Variants in CD37 observed in about 807,000 individuals in gnomAD.
The protein encoded by CD37 is leukocyte antigen CD37.
In CD37, 37 loss-of-function variants were observed where a neutral mutation model predicts 38.9. The observed-to-expected ratio is 0.95, with a 90% confidence interval of 0.73 to 1.25. The LOEUF is 1.25. CD37 is among the 50% of genes most tolerant of loss of function. The pLI is 0.00. For synonymous variants in CD37, 146 were observed against 150.1 expected, an observed-to-expected ratio of 0.97 and a Z score of 0.20; for missense variants, 351 against 360.1, an observed-to-expected ratio of 0.97 and a Z score of 0.20.
At position 49,338,824 on chromosome 19, in the gene CD37, C is replaced by T. The variant is rs1196968350; in HGVS notation, c.572C>T (p.Thr191Ile). Reference protein sequence around the residue: ...CYNLSATNDSTILDKVILPQL... With the variant: ...CYNLSATNDSIILDKVILPQL... Reference sequence around the variant, plus strand: ...AACTTGTCGGCGACCAACGACTCCACAATCCTAGATAAGGTGATCTTGCCC... The same window carrying T: ...AACTTGTCGGCGACCAACGACTCCATAATCCTAGATAAGGTGATCTTGCCC... Residue 191 changes from threonine (T) to isoleucine (I), a missense_variant, in exon 6 of 8, where the codon ACA (threonine) becomes ATA (isoleucine). Coordinates refer to ENST00000323906, the MANE Select transcript of CD37 (RefSeq NM_001774.3). The surrounding 1 kb of genome is among the most constrained non-coding windows in gnomAD (Gnocchi z 5.0). The T allele has an allele frequency of 6.2e-7, 1 of 1,613,990 alleles. No homozygotes were observed. Among genetic ancestry groups the T allele is most frequent in the Non-Finnish European group, 8.5e-7 (1 of 1,180,036 alleles).
chr19:49,338,625 CCATCA>C lies in CD37; in HGVS notation c.448-73_448-69del. On this transcript the variant is annotated intron_variant, in intron 5 of 7. Transcript: ENST00000323906. The surrounding 1 kb of genome is among the most constrained non-coding windows in gnomAD (Gnocchi z 5.0). ...CCTGCTCCCCGACCTGACCTCATAC[CCATCA>C]CCTTGTCCCCTGATCCCCAACATCA... 3 of 1,090,058 alleles carry C rather than the reference CCATCA, an allele frequency of 2.8e-6. No individual in the cohort carries two copies. Among genetic ancestry groups the C allele is most frequent in the Non-Finnish European group, 4.2e-6 (3 of 721,012 alleles). The allele number at this position is 1,090,058 out of a possible 1,614,324, so 67.5% of individuals were successfully genotyped here. A position where few individuals can be genotyped will look rare whatever the true frequency, so the allele number is the denominator to read the frequency against.
Position 49,338,982 on chromosome 19 carries a change from T to C in CD37, c.684+46T>C. On this transcript the variant is annotated intron_variant, in intron 6 of 7. Coordinates refer to ENST00000323906, the MANE Select transcript of CD37 (RefSeq NM_001774.3). The surrounding 1 kb of genome is among the most constrained non-coding windows in gnomAD (Gnocchi z 5.0). Reference sequence around the variant, plus strand: ...TAAACCTGTCGAATGGGGCGGGGCCTGCGGGAGGGGGAGGGCTGTCAGTGA... The same window carrying C: ...TAAACCTGTCGAATGGGGCGGGGCCCGCGGGAGGGGGAGGGCTGTCAGTGA... The C allele has an allele frequency of 1.4e-6, 2 of 1,402,030 alleles. No homozygotes were observed. 86.8% of individuals were successfully genotyped at this position (1,402,030 alleles called of 1,614,324 possible).
At position 49,335,422 on chromosome 19, in the gene CD37, CCTTTCTCTCTCAGCTCTCCGTCTCT is replaced by C; in HGVS notation, c.-104_-80del. 2.5e-6 allele frequency: 2 copies of C among 785,838 alleles called. No homozygotes were observed. Among genetic ancestry groups the C allele is most frequent in the South Asian group, 3.2e-5 (2 of 62,784 alleles). 48.7% of individuals were successfully genotyped at this position (785,838 alleles called of 1,614,324 possible). A position where few individuals can be genotyped will look rare whatever the true frequency, so the allele number is the denominator to read the frequency against. On this transcript the variant is annotated 5_prime_UTR_variant, in exon 1 of 8. Transcript: ENST00000323906. This position sits in a 1 kb window ranked among gnomAD's most constrained non-coding sequence, Gnocchi z 4.6. ...TGGAACTTCCTCTTTTGGGGTTCTT[CCTTTCTCTCTCAGCTCTCCGTCTCT>C]CTTTCTCTCTCAGCCTCTTTCTTTC...
rs1404328236 is a variant in CD37 at position 49,339,813 on chromosome 19, C to T, written c.768+400C>T. 3.0e-6 allele frequency: 4 copies of T among 1,349,274 alleles called. No individual in the cohort carries two copies. The highest frequency in any genetic ancestry group is 1.5e-5 in the African/African-American group (1 of 67,974). 83.6% of individuals were successfully genotyped at this position (1,349,274 alleles called of 1,614,324 possible). A position where few individuals can be genotyped will look rare whatever the true frequency, so the allele number is the denominator to read the frequency against. On this transcript the variant is annotated intron_variant, in intron 7 of 7. Transcript: ENST00000323906. The surrounding 1 kb of genome is among the most constrained non-coding windows in gnomAD (Gnocchi z 4.5). ...GCGGCAGTCTGTGGGGTGGCTGGGG[C>T]ATGGCGGGTGCCTGCCCCAACTGGG...
rs1229086826 is a variant in CD37, at chr19:49,339,983, G to T, written c.769-268G>T. The T allele has an allele frequency of 1.4e-6, 2 of 1,432,940 alleles. No homozygotes were observed. The highest frequency in any genetic ancestry group is 2.9e-5 in the African/African-American group (2 of 69,814). 88.8% of individuals were successfully genotyped at this position (1,432,940 alleles called of 1,614,324 possible). Reference sequence around the variant, plus strand: ...GAGGCTGAGGCAGAGGGGGAAGACAGATGAGCCTCCAAAATAAAGGACCCT... The same window carrying T: ...GAGGCTGAGGCAGAGGGGGAAGACATATGAGCCTCCAAAATAAAGGACCCT... On this transcript the variant is annotated intron_variant, in intron 7 of 7. Coordinates refer to ENST00000323906, the MANE Select transcript of CD37 (RefSeq NM_001774.3). The surrounding 1 kb of genome is among the most constrained non-coding windows in gnomAD (Gnocchi z 4.5).
At position 49,339,547 on chromosome 19, in the gene CD37, T is replaced by C. The variant is rs1314409129; in HGVS notation, c.768+134T>C. ...CAGCCCACCCCGGCCCTCCCGCCGCTCCACCCAGCACCGGAGGGTGGGGGC... is the reference window on the plus strand; with the variant it reads ...CAGCCCACCCCGGCCCTCCCGCCGCCCCACCCAGCACCGGAGGGTGGGGGC... On this transcript the variant is annotated intron_variant, in intron 7 of 7. Transcript: ENST00000323906. This position sits in a 1 kb window ranked among gnomAD's most constrained non-coding sequence, Gnocchi z 4.5. The C allele has an allele frequency of 7.4e-6, 11 of 1,481,164 alleles. No homozygotes were observed. The highest frequency in any genetic ancestry group is 2.5e-5 in the South Asian group (2 of 78,840). 91.8% of individuals were successfully genotyped at this position (1,481,164 alleles called of 1,614,324 possible). A position where few individuals can be genotyped will look rare whatever the true frequency, so the allele number is the denominator to read the frequency against.
chr19:49,335,769 G>T lies in CD37; in HGVS notation c.125G>T (p.Ser42Ile). 1 of 1,613,700 alleles carries T rather than the reference G, an allele frequency of 6.2e-7. No homozygotes were observed. ...FGIWILIDKT[S>I]FVSFVGLAFV... ...ATCTGGATCCTCATTGACAAGACCA[G>T]CTTCGTGTCCTTTGTGGGTGAGGGG... The change falls in exon 2 of 8, where the codon AGC becomes ATC. Residue 42 changes from serine to isoleucine, a missense_variant. Ser to Ile is a moderately radical substitution (Grantham distance 142). Coordinates refer to ENST00000323906, the MANE Select transcript of CD37 (RefSeq NM_001774.3). This position sits in a 1 kb window ranked among gnomAD's most constrained non-coding sequence, Gnocchi z 4.6.
In CD37 at chr19:49,339,785, A is replaced by C. The variant is rs7257387; in HGVS notation, c.768+372A>C. On this transcript the variant is annotated intron_variant, in intron 7 of 7. Coordinates refer to ENST00000323906, the MANE Select transcript of CD37 (RefSeq NM_001774.3). The surrounding 1 kb of genome is among the most constrained non-coding windows in gnomAD (Gnocchi z 4.5). ...CTGATCGCTGACGGCGGCGGCGGGC[A>C]CAGCGGCAGTCTGTGGGGTGGCTGG... 0.047 allele frequency: 64,139 copies of C among 1,357,150 alleles called. 1,763 individuals carry two copies. Among genetic ancestry groups the C allele is most frequent in the South Asian group, 0.083 (4,851 of 58,714 alleles). 84.1% of individuals were successfully genotyped at this position (1,357,150 alleles called of 1,614,324 possible).
chr19:49,337,333 TAA>T, intron 4 of CD37, 112 bp downstream of exon 4: 1 of 1,039,186 alleles, frequency 9.6e-7, no homozygotes, highest in Non-Finnish European at 1.5e-6. Flanking sequence ...CTAACCTAGA[TAA>T]AGAGAAATAA....
chr19:49,335,510 G>A lies in CD37; in HGVS notation c.-31G>A. 3 of 1,550,882 alleles carry A rather than the reference G, an allele frequency of 1.9e-6. No homozygotes were observed. Among genetic ancestry groups the A allele is most frequent in the Non-Finnish European group, 1.8e-6 (2 of 1,122,584 alleles). On this transcript the variant is annotated 5_prime_UTR_variant, in exon 1 of 8. The change creates a new upstream start codon in the 5' untranslated region. Transcript: ENST00000323906. This position sits in a 1 kb window ranked among gnomAD's most constrained non-coding sequence, Gnocchi z 4.6. ...CCACTGTCAGCACCTCTTCTGTGTG[G>A]TGAGTGGACCGCTTACCCCACTAGG...
In CD37 at chr19:49,339,285, A is replaced by G; in HGVS notation, c.685-45A>G. ...GAAAAGAACGCTGGGCCTGGGCTTGAGAGTCCCAGAAAGAATCCCTTTAAC... is the reference window on the plus strand; with the variant it reads ...GAAAAGAACGCTGGGCCTGGGCTTGGGAGTCCCAGAAAGAATCCCTTTAAC... On this transcript the variant is annotated intron_variant, in intron 6 of 7. Coordinates refer to ENST00000323906, the MANE Select transcript of CD37 (RefSeq NM_001774.3). The surrounding 1 kb of genome is among the most constrained non-coding windows in gnomAD (Gnocchi z 4.5). 1.3e-6 allele frequency: 2 copies of G among 1,538,970 alleles called. No individual in the cohort carries two copies. The highest frequency in any genetic ancestry group is 1.1e-5 in the South Asian group (1 of 88,964).
At position 49,335,728 on chromosome 19, in the gene CD37, G is replaced by C. The variant is rs962809466; in HGVS notation, c.84G>C (p.Leu28=). The change falls in exon 2 of 8, where the codon CTG becomes CTC. Residue 28 remains leucine (L), a synonymous_variant. Transcript: ENST00000323906. The surrounding 1 kb of genome is among the most constrained non-coding windows in gnomAD (Gnocchi z 4.6). The part of the protein sequence containing the change: ...FNLFFFVLGS[L]IFCFGIWILI... ...CCTCTCCCCAGGTCCTCGGCAGCCT[G>C]ATCTTCTGCTTCGGCATCTGGATCC... The C allele has an allele frequency of 6.2e-7, 1 of 1,612,574 alleles. No homozygotes were observed. The highest frequency in any genetic ancestry group is 8.5e-7 in the Non-Finnish European group (1 of 1,179,420).
Position 49,339,402 on chromosome 19 carries a change from G to GGCAAAAT in CD37, c.759_760insAAAATGC (p.Leu254LysfsTer54). 6.2e-7 allele frequency: 1 copy of GGCAAAAT among 1,613,848 alleles called. No homozygotes were observed. The highest frequency in any genetic ancestry group is 2.2e-5 in the East Asian group (1 of 44,874). On this transcript the variant is annotated frameshift_variant, in exon 7 of 8. Coordinates refer to ENST00000323906, the MANE Select transcript of CD37 (RefSeq NM_001774.3). LOFTEE classifies it high-confidence loss of function. This position sits in a 1 kb window ranked among gnomAD's most constrained non-coding sequence, Gnocchi z 4.5. ...CATAGTGGGCATTTGCCTGGGCGTCGGCCTACTCGAGGTGATCTGGCCCCG... is the reference window on the plus strand; with the variant it reads ...CATAGTGGGCATTTGCCTGGGCGTCGGCAAAATGCCTACTCGAGGTGATCTGGCCCCG...
intron 7 of CD37, 143 bp from the exon 8 acceptor site, chr19:49,340,108 C>T: frequency 6.5e-7 from 1 of 1,537,948 alleles, no homozygotes. Flanking sequence ...CGTCGAGCCC[C>T]GCCCTTTTCT....
Position 49,335,994 on chromosome 19 carries a change from T to G in CD37, c.142+208T>G, listed in dbSNP as rs1192607761. The G allele has an allele frequency of 1.7e-6, 1 of 595,322 alleles. No homozygotes were observed. The highest frequency in any genetic ancestry group is 3.0e-6 in the Non-Finnish European group (1 of 333,780). The allele number at this position is 595,322 out of a possible 1,614,324, so 36.9% of individuals were successfully genotyped here. ...AACAACAATGATCATGAGAGCCATT[T>G]CTCAAGCACTTCCTATCTGTCGGGA... On this transcript the variant is annotated intron_variant, in intron 2 of 7. Coordinates refer to ENST00000323906, the MANE Select transcript of CD37 (RefSeq NM_001774.3). This position sits in a 1 kb window ranked among gnomAD's most constrained non-coding sequence, Gnocchi z 4.6.
At chr19:49,336,877 C>T in intron 2 of CD37, 32 bp from the exon 3 acceptor site, 1 of 1,611,610 alleles carries the variant, frequency 6.2e-7, no homozygotes. Context: ...CTGTGCCACA[C>T]AGCTCATCAT....
chr19:49,337,480 G>A, intron 4 of CD37: 1 of 608,452 alleles, frequency 1.6e-6, no homozygotes, highest in South Asian at 2.0e-5. Context: ...AAAAAATCCG[G>A]GTGTGATGGT....
At position 49,340,483 on chromosome 19, in the gene CD37, C is replaced by T. The variant is rs1600687131; in HGVS notation, c.*155C>T. The T allele has an allele frequency of 4.5e-6, 3 of 670,004 alleles. No homozygotes were observed. In the East Asian group the frequency reaches 8.1e-5, roughly 18 times the overall value. 41.5% of individuals were successfully genotyped at this position (670,004 alleles called of 1,614,324 possible). ...CGTGGCTGCGTGCCCCTGCTGCTGT[C>T]ACCTCTCCCACGGGACCTGGGGCTT... On this transcript the variant is annotated 3_prime_UTR_variant, in exon 8 of 8. Transcript: ENST00000323906.
Position 49,338,850 on chromosome 19 carries a change from C to A in CD37, c.598C>A (p.Gln200Lys). 1 of 1,614,166 alleles carries A rather than the reference C, an allele frequency of 6.2e-7. No homozygotes were observed. Among genetic ancestry groups the A allele is most frequent in the Non-Finnish European group, 8.5e-7 (1 of 1,180,036 alleles). Residue 200 changes from glutamine (Q) to lysine (K), a missense_variant, in exon 6 of 8, where the codon CAG (glutamine) becomes AAG (lysine). Physicochemically the swap from Gln to Lys is moderately conservative, Grantham distance 53 (BLOSUM62 1). Transcript: ENST00000323906. The surrounding 1 kb of genome is among the most constrained non-coding windows in gnomAD (Gnocchi z 5.0). ...AATCCTAGATAAGGTGATCTTGCCCCAGCTCAGCAGGCTTGGACACCTGGC... is the reference window on the plus strand; with the variant it reads ...AATCCTAGATAAGGTGATCTTGCCCAAGCTCAGCAGGCTTGGACACCTGGC... Reference protein sequence around the residue: ...STILDKVILPQLSRLGHLARS... With the variant: ...STILDKVILPKLSRLGHLARS...
Sources: allele counts gnomAD v4.1 joint callset, GRCh38; gene constraint gnomAD v4.1.1; non-coding constraint Gnocchi (gnomAD v3.1); transcripts MANE v1.5; gene names NCBI Gene and HGNC (gene_info 2026-07-23, HGNC 2026-07-21).